Variants in MYSM1 observed in about 807,000 individuals in gnomAD.
The protein encoded by MYSM1 is deubiquitinase MYSM1.
A neutral mutation model predicts 116.0 loss-of-function variants in MYSM1; 51 were observed. The ratio of observed to expected loss-of-function variants is 0.44; its 90% CI spans 0.35 to 0.56. The LOEUF (loss-of-function observed/expected upper bound fraction) is 0.56, where lower values mean the gene tolerates loss of function less well. Among genes scored for constraint, MYSM1 ranks in the 20% least tolerant of loss-of-function variants. The pLI is 0.00. For synonymous variants in MYSM1, 313 were observed against 315.2 expected, an observed-to-expected ratio of 0.99 and a Z score of 0.07; for missense variants, 900 against 974.9, an observed-to-expected ratio of 0.92 and a Z score of 1.02.
At position 58,675,492 on chromosome 1, in the gene MYSM1, C is replaced by G. The variant is rs1644636522; in HGVS notation, c.1479G>C (p.Gln493His). The G allele has an allele frequency of 6.2e-7, 1 of 1,611,414 alleles. No homozygotes were observed. Among genetic ancestry groups the G allele is most frequent in the East Asian group, 2.2e-5 (1 of 44,838 alleles). ...KDAVEAYQLAQRLQSMRTRRR... is the reference protein window; with the variant it reads ...KDAVEAYQLAHRLQSMRTRRR... ...GACTGCTTACCATAGACTGCAGACG[C>G]TGGGCAAGTTGGTATGCTTCTACTG... The change falls in exon 10 of 20, where the codon CAG (glutamine) becomes CAC (histidine). Residue 493 changes from glutamine (Q) to histidine (H), a missense_variant. By Grantham distance (24) the Gln-to-His change is conservative. Transcript: ENST00000472487.
chr1:58,677,824 A>T (rs1644676745), intron 8 of MYSM1, among the ~76,000 whole-genome samples: 1 of 152,120 alleles, frequency 6.6e-6, no homozygotes, highest in Non-Finnish European at 1.5e-5. Flanking sequence ...GATTTTATTA[A>T]TATTATTCTC....
intron 1 of MYSM1, 129 bp downstream of exon 1, chr1:58,699,856 C>G (rs1645036919): frequency 6.8e-7 from 1 of 1,463,702 alleles, no homozygotes; most frequent in Admixed American, 2.4e-5. Flanking sequence ...CCCAGGCCAA[C>G]AAGAGACCCT....
intron 1 of MYSM1, among the ~76,000 whole-genome samples, chr1:58,696,175 G>GA (rs1644971108): frequency 6.6e-6 from 1 of 152,184 alleles, no homozygotes; most frequent in East Asian, 1.9e-4. Flanking sequence ...CTACCAGGAA[G>GA]GGTAAATAAA....
intron 2 of MYSM1, among the ~76,000 whole-genome samples, chr1:58,693,850 G>A (rs546825520): frequency 7.2e-5 from 11 of 152,078 alleles, no homozygotes; most frequent in Non-Finnish European, 1.3e-4. Flanking sequence ...TTTCAATGAT[G>A]TCCCAGTTCC....
In MYSM1 at chr1:58,659,781, G is replaced by C; in HGVS notation, c.*216C>G. 1 of 375,124 alleles carries C rather than the reference G, an allele frequency of 2.7e-6. No homozygotes were observed. Among genetic ancestry groups the C allele is most frequent in the Non-Finnish European group, 4.8e-6 (1 of 208,410 alleles). The allele number at this position is 375,124 out of a possible 1,614,324, so 23.2% of individuals were successfully genotyped here. On this transcript the variant is annotated 3_prime_UTR_variant, in exon 20 of 20. Coordinates refer to ENST00000472487, the MANE Select transcript of MYSM1 (RefSeq NM_001085487.3). ...GCTCAGTAAAGGACTAGAACACCGT[G>C]GTGGACCCTGGTTTGCAGAACACTC...
chr1:58,677,997 T>A (rs1447405260), intron 8 of MYSM1, among the ~76,000 whole-genome samples: 1 of 152,186 alleles, frequency 6.6e-6, no homozygotes, highest in East Asian at 1.9e-4. Flanking sequence ...AATATATTGT[T>A]CTAAGCACTA....
At chr1:58,692,775 G>A in intron 3 of MYSM1, 86 bp downstream of exon 3, 1 of 913,296 alleles carries the variant, frequency 1.1e-6, no homozygotes, top group Non-Finnish European at 1.7e-6. Context: ...AATCCATCTA[G>A]TAAACAGTGG....
rs1644335293 is a variant in MYSM1 at position 58,657,567 on chromosome 1, T to C, written c.*2430A>G. The C allele has an allele frequency of 6.6e-6, 1 of 151,970 alleles. No individual in the cohort carries two copies. Among genetic ancestry groups the C allele is most frequent in the Admixed American group, 6.6e-5 (1 of 15,242 alleles). 9.4% of individuals were successfully genotyped at this position (151,970 alleles called of 1,614,324 possible). On this transcript the variant is annotated 3_prime_UTR_variant, in exon 20 of 20. Coordinates refer to ENST00000472487, the MANE Select transcript of MYSM1 (RefSeq NM_001085487.3). ...CAAAAGAAAAAGGAAGCAGGGAAAA[T>C]GATGGAGGAAGAGAGAAAGAAGTAA...
chr1:58,684,514 G>A (rs35091401), intron 7 of MYSM1, among the ~76,000 whole-genome samples: 29,468 of 146,182 alleles, frequency 0.2, 3,046 homozygotes, highest in South Asian at 0.28. Flanking sequence ...GCAGTGAGCC[G>A]AGATCGCACC....
intron 12 of MYSM1, among the ~76,000 whole-genome samples, chr1:58,670,993 T>C (rs1352594366): frequency 1.3e-5 from 2 of 152,338 alleles, no homozygotes; most frequent in Non-Finnish European, 1.5e-5. Context: ...GACTATTTTT[T>C]ACATAGTTTA....
intron 5 of MYSM1, 60 bp from the exon 6 acceptor site, chr1:58,689,176 G>GT: frequency 7.8e-7 from 1 of 1,274,046 alleles, no homozygotes; most frequent in Non-Finnish European, 1.1e-6. Context: ...CCATATTTAT[G>GT]TAACTAAAGG....
At chr1:58,695,092 C>A in intron 2 of MYSM1, 37 bp downstream of exon 2, 2 of 1,307,156 alleles carry the variant, frequency 1.5e-6, no homozygotes, top group South Asian at 1.3e-5. Context: ...CAATAAATAA[C>A]AGCTTAATGC....
chr1:58,665,739 A>C, intron 16 of MYSM1, 108 bp from the exon 17 acceptor site: 1 of 791,684 alleles, frequency 1.3e-6, no homozygotes, highest in South Asian at 1.9e-5. Context: ...AGGAACAAAA[A>C]GGTGCATTAA....
intron 9 of MYSM1, 129 bp from the exon 10 acceptor site, chr1:58,675,709 T>A: frequency 1.6e-6 from 1 of 636,958 alleles, no homozygotes; most frequent in African/African-American, 1.8e-5. Flanking sequence ...ACATTTGATG[T>A]GCTACTGAGC....
At position 58,681,834 on chromosome 1, in the gene MYSM1, T is replaced by C. The variant is rs1291570514; in HGVS notation, c.1210A>G (p.Lys404Glu). The change falls in exon 8 of 20, where the codon AAA (lysine) becomes GAA (glutamate). Residue 404 changes from lysine to glutamate, a missense_variant. Around this residue, in one of 3 missense-constraint regions of MYSM1, gnomAD observed 622 missense variants for 623.7 expected, o/e 1.00. Transcript: ENST00000472487. ...IPEFFEGRQA[K>E]TPERYLKIRN... ...ATTTTCAAATAGCGTTCTGGTGTTT[T>C]AGCTTGGCGCCCCTCAAAAAACTCA... 1 of 1,606,756 alleles carries C rather than the reference T, an allele frequency of 6.2e-7. No homozygotes were observed.
rs1299104469 is a variant in MYSM1, at chr1:58,677,075, T to A, written c.1260-19A>T. ...TATCTCCCTAATTAAGAGACAGAAG[T>A]ACAATTATTTTGGATAAATAAAAAC... is the stretch of plus-strand genomic sequence containing the variant. On this transcript the variant is annotated intron_variant, in intron 8 of 19. Coordinates refer to ENST00000472487, the MANE Select transcript of MYSM1 (RefSeq NM_001085487.3). 1.3e-6 allele frequency: 2 copies of A among 1,566,882 alleles called. No individual in the cohort carries two copies. Among genetic ancestry groups the A allele is most frequent in the African/African-American group, 1.4e-5 (1 of 72,334 alleles).
Position 58,675,572 on chromosome 1 carries a change from C to A in MYSM1, c.1399G>T (p.Val467Leu), listed in dbSNP as rs771190306. 1 of 1,612,718 alleles carries A rather than the reference C, an allele frequency of 6.2e-7. No homozygotes were observed. The highest frequency in any genetic ancestry group is 8.5e-7 in the Non-Finnish European group (1 of 1,179,122). The change falls in exon 10 of 20, where the codon GTG (valine) becomes TTG (leucine). Residue 467 changes from valine to leucine, a missense_variant. Around this residue, in one of 3 missense-constraint regions of MYSM1, gnomAD observed 622 missense variants for 623.7 expected, o/e 1.00. Coordinates refer to ENST00000472487, the MANE Select transcript of MYSM1 (RefSeq NM_001085487.3). ...TCAACTGTTTGTGGCCTATTATACA[C>A]AGCCTGTTCTATTGGAATTCAGGAA... The part of the protein sequence containing the change: ...GAINFGCEQA[V>L]YNRPQTVDKV...
At chr1:58,671,823 G>A in intron 12 of MYSM1, 47 bp downstream of exon 12, 1 of 1,352,180 alleles carries the variant, frequency 7.4e-7, no homozygotes, top group Non-Finnish European at 1.0e-6. Context: ...ATATTATCTA[G>A]CCATTTGTGA....
At chr1:58,681,249 C>T (rs985336967) in intron 8 of MYSM1, among the ~76,000 whole-genome samples, 3 of 152,152 alleles carry the variant, frequency 2.0e-5, no homozygotes, top group East Asian at 1.9e-4. Context: ...TTCAAATAAA[C>T]GGTACTGACA....
Sources: gnomAD v4.1 joint callset for allele counts (sites outside exome capture counted in the v4.1 genomes callset) on GRCh38, gnomAD v4.1.1 for gene constraint, gnomAD v4.1.1 regional missense constraint, MANE v1.5 for transcripts, NCBI Gene and HGNC (gene_info 2026-07-23, HGNC 2026-07-21) for gene names.